EPHA1: variants seen among roughly 807,000 people sequenced by gnomAD.
The protein encoded by EPHA1 is EPH receptor A1.
Under a neutral mutation model 110.1 loss-of-function variants are expected in EPHA1, and 92 were observed. The ratio of observed to expected loss-of-function variants is 0.84; its 90% CI spans 0.71 to 0.99. The LOEUF is 0.99. EPHA1 is among the 50% of genes least tolerant of loss of function. EPHA1 has a pLI of 0.00. For missense variants in EPHA1, 1,204 were observed against 1,285.4 expected (o/e 0.94, Z 0.97); for synonymous variants, 500 against 516.1 (o/e 0.97, Z 0.42).
rs959577857 is a variant in EPHA1 at position 143,398,329 on chromosome 7, G to A, written c.1456C>T (p.Leu486=). Residue 486 remains leucine (L), a synonymous_variant, in exon 7 of 18, where the codon CTG becomes TTG. Transcript: ENST00000275815. ...GANLTYELHV[L]NQDEERYQMV... Reference sequence around the variant, plus strand: ...CTCAGTAGCATCCTGACCTGGTTCAGCACGTGCAGCTCATAGGTCAGGTTC... The same window carrying A: ...CTCAGTAGCATCCTGACCTGGTTCAACACGTGCAGCTCATAGGTCAGGTTC... The A allele has an allele frequency of 6.2e-7, 1 of 1,614,060 alleles. No individual in the cohort carries two copies. The highest frequency in any genetic ancestry group is 8.5e-7 in the Non-Finnish European group (1 of 1,179,990).
intron 11 of EPHA1, 32 bp downstream of exon 11, chr7:143,396,353 G>C (rs1334808132): frequency 1.9e-6 from 3 of 1,602,894 alleles, no homozygotes; most frequent in Non-Finnish European, 1.7e-6. Flanking sequence ...CCACATGGCG[G>C]GGGGCCTGCT....
chr7:143,391,880 A>G lies in EPHA1; in HGVS notation c.2697-105T>C, dbSNP rs1033644386. 34 of 1,526,614 alleles carry G rather than the reference A, an allele frequency of 2.2e-5. No homozygotes were observed. The African/African-American group carries it at 4.6e-4, about 21-fold the overall frequency. 94.6% of individuals were successfully genotyped at this position (1,526,614 alleles called of 1,614,324 possible). A position where few individuals can be genotyped will look rare whatever the true frequency, so the allele number is the denominator to read the frequency against. Reference sequence around the variant, plus strand: ...GCACTGAAGTTCGGTGTCTGGGCACAGAGATCATCTAGACTGTGGATTGAC... The same window carrying G: ...GCACTGAAGTTCGGTGTCTGGGCACGGAGATCATCTAGACTGTGGATTGAC... On this transcript the variant is annotated intron_variant, in intron 16 of 17. Transcript: ENST00000275815.
Position 143,401,639 on chromosome 7 carries a change from C to T in EPHA1, c.151-34G>A. On this transcript the variant is annotated intron_variant, in intron 2 of 17. Transcript: ENST00000275815. The surrounding 1 kb of genome is among the most constrained non-coding windows in gnomAD (Gnocchi z 4.1). ...AGGAAATCAGAGTCAGGGACCAGAT[C>T]ATCCCCTGCTCCCCAAACCCTTGGT... The T allele has an allele frequency of 6.3e-7, 1 of 1,595,766 alleles. No homozygotes were observed.
chr7:143,399,006 C>G (rs1018741586), intron 5 of EPHA1, 61 bp from the exon 6 acceptor site: 12 of 1,448,396 alleles, frequency 8.3e-6, no homozygotes, highest in Non-Finnish European at 1.0e-5. Context: ...GCTGCTGATC[C>G]CCGGCCTCCA....
At chr7:143,397,214 C>G in intron 10 of EPHA1, 90 bp downstream of exon 10, 1 of 1,442,142 alleles carries the variant, frequency 6.9e-7, no homozygotes. Flanking sequence ...TCCCTTGATC[C>G]CTTCCCAGTG....
Position 143,401,687 on chromosome 7 carries a change from G to C in EPHA1, c.151-82C>G. On this transcript the variant is annotated intron_variant, in intron 2 of 17. Transcript: ENST00000275815. The surrounding 1 kb of genome is among the most constrained non-coding windows in gnomAD (Gnocchi z 4.1). ...GGTTTTTAGAGCTGATGGAGAAGCA[G>C]CTGTGTCAGAGCCCCTCAGGTTTAT... 7 of 1,531,902 alleles carry C rather than the reference G, an allele frequency of 4.6e-6. No homozygotes were observed. The highest frequency in any genetic ancestry group is 6.2e-6 in the Non-Finnish European group (7 of 1,127,640). The allele number at this position is 1,531,902 out of a possible 1,614,324, so 94.9% of individuals were successfully genotyped here. A position where few individuals can be genotyped will look rare whatever the true frequency, so the allele number is the denominator to read the frequency against.
intron 10 of EPHA1, among the ~76,000 whole-genome samples, chr7:143,396,864 T>C (rs1271101430): frequency 6.6e-6 from 1 of 151,896 alleles, no homozygotes; most frequent in Non-Finnish European, 1.5e-5. Context: ...CGCGCATGGC[T>C]CCCACCCCAG....
rs73458318 is a variant in EPHA1, at chr7:143,408,323, C to G, written c.82+401G>C. 3.5e-3 allele frequency among the ~76,000 whole-genome samples: 528 copies of G among 152,306 alleles called. 2 individuals carry two copies. The highest frequency in any genetic ancestry group is 0.012 in the African/African-American group (501 of 41,572). ...CTCCCGGAGGCAGCTCCCTCTGTCCCTGGCCTAGGTTGGCAGGAGGCGACT... is the reference window on the plus strand; with the variant it reads ...CTCCCGGAGGCAGCTCCCTCTGTCCGTGGCCTAGGTTGGCAGGAGGCGACT... On this transcript the variant is annotated intron_variant, in intron 1 of 17. Coordinates refer to ENST00000275815, the MANE Select transcript of EPHA1 (RefSeq NM_005232.5).
Position 143,399,350 on chromosome 7 carries a change from T to C in EPHA1, c.899A>G (p.Gln300Arg). Residue 300 changes from glutamine to arginine, a missense_variant, in exon 5 of 18, where the codon CAG becomes CGG. Physicochemically the swap from Gln to Arg is conservative, Grantham distance 43. Coordinates refer to ENST00000275815, the MANE Select transcript of EPHA1 (RefSeq NM_005232.5). ...GGCCCCCTCAGACTCAGCAGTGCTC[T>C]GCTGGGGGCACGTGAGACAATGGGG... ...DTPHCLTCPQ[Q>R]STAESEGATI... 1 of 1,612,184 alleles carries C rather than the reference T, an allele frequency of 6.2e-7. No homozygotes were observed. Among genetic ancestry groups the C allele is most frequent in the Non-Finnish European group, 8.5e-7 (1 of 1,179,378 alleles).
chr7:143,398,651 C>A lies in EPHA1; in HGVS notation c.1286G>T (p.Gly429Val). The change falls in exon 6 of 18, where the codon GGC becomes GTC. Residue 429 changes from glycine (G) to valine (V), a missense_variant. Coordinates refer to ENST00000275815, the MANE Select transcript of EPHA1 (RefSeq NM_005232.5). The part of the protein sequence containing the change: ...VEAQNGVSGL[G>V]SSGHASTSVS... Reference sequence around the variant, plus strand: ...TGAGGTGCTGGCATGGCCAGAGCTGCCCAGCCCTGACACTCCATTTTGGGC... The same window carrying A: ...TGAGGTGCTGGCATGGCCAGAGCTGACCAGCCCTGACACTCCATTTTGGGC... 6.2e-7 allele frequency: 1 copy of A among 1,614,120 alleles called. No homozygotes were observed. Among genetic ancestry groups the A allele is most frequent in the Non-Finnish European group, 8.5e-7 (1 of 1,179,978 alleles).
chr7:143,398,283 C>T (rs1161165746), intron 7 of EPHA1, 38 bp downstream of exon 7: 2 of 1,611,682 alleles, frequency 1.2e-6, no homozygotes, highest in South Asian at 2.2e-5. Context: ...TGTGCCCGGG[C>T]ATGGACACTG....
intron 5 of EPHA1, 118 bp downstream of exon 5, chr7:143,399,140 T>G (rs928786157): frequency 7.2e-7 from 1 of 1,392,660 alleles, no homozygotes; most frequent in Non-Finnish European, 9.9e-7. Context: ...TAAAAGTGCC[T>G]GACACCCTGG....
chr7:143,394,013 C>T, intron 15 of EPHA1, 149 bp from the exon 16 acceptor site: 1 of 1,234,846 alleles, frequency 8.1e-7, no homozygotes, highest in African/African-American at 1.5e-5. Context: ...GTGGGAGGAT[C>T]AGGGTGGGAG....
Position 143,400,629 on chromosome 7 carries a change from A to G in EPHA1, c.433-576T>C, listed in dbSNP as rs749437799. 1.2e-4 allele frequency among the ~76,000 whole-genome samples: 18 copies of G among 152,176 alleles called. 1 individual carries two copies. The highest frequency in any genetic ancestry group is 2.1e-4 in the Non-Finnish European group (14 of 68,034). Reference sequence around the variant, plus strand: ...TGTCTTGCTACATGACTCCAGTGATACTATGGGAGTGGGTTGCTTATGAAC... The same window carrying G: ...TGTCTTGCTACATGACTCCAGTGATGCTATGGGAGTGGGTTGCTTATGAAC... On this transcript the variant is annotated intron_variant, in intron 3 of 17. Coordinates refer to ENST00000275815, the MANE Select transcript of EPHA1 (RefSeq NM_005232.5).
At position 143,401,795 on chromosome 7, in the gene EPHA1, G is replaced by T. The variant is rs913524844; in HGVS notation, c.151-190C>A. 1.3e-5 allele frequency among the ~76,000 whole-genome samples: 2 copies of T among 152,176 alleles called. No homozygotes were observed. Among genetic ancestry groups the T allele is most frequent in the African/African-American group, 4.8e-5 (2 of 41,442 alleles). On this transcript the variant is annotated intron_variant, in intron 2 of 17. Coordinates refer to ENST00000275815, the MANE Select transcript of EPHA1 (RefSeq NM_005232.5). This position sits in a 1 kb window ranked among gnomAD's most constrained non-coding sequence, Gnocchi z 4.1. ...GGGTTGGGGATTTGTTTGGATATAA[G>T]ATGGGCAAGACAATAGTCCCTTAAC...
chr7:143,391,583 G>A lies in EPHA1; in HGVS notation c.2852+37C>T, dbSNP rs375003006. The A allele has an allele frequency of 3.8e-5, 61 of 1,614,062 alleles. No homozygotes were observed. The Middle Eastern group carries it at 1.3e-3, about 35-fold the overall frequency. On this transcript the variant is annotated intron_variant, in intron 17 of 17. Transcript: ENST00000275815. ...GCATGAGTCCGGAGGCTCCACCCCC[G>A]CAGCCCTCCCCTGCCCAGACAGCTC...
chr7:143,400,632 A>G (rs917220142), intron 3 of EPHA1, among the ~76,000 whole-genome samples: 4 of 152,146 alleles, frequency 2.6e-5, no homozygotes, highest in African/African-American at 9.7e-5. Flanking sequence ...CAGTGATACT[A>G]TGGGAGTGGG....
In EPHA1 at chr7:143,395,272, C is replaced by T. The variant is rs774851071; in HGVS notation, c.2083+47G>A. 1.2e-5 allele frequency: 19 copies of T among 1,613,628 alleles called. No homozygotes were observed. Among genetic ancestry groups the T allele is most frequent in the Non-Finnish European group, 1.5e-5 (18 of 1,179,904 alleles). ...CTCCACTTCCAGTGGTTTCACCCCT[C>T]TTTCCTGCATTTCCCGCCCCCAGCT... is the stretch of plus-strand genomic sequence containing the variant. On this transcript the variant is annotated intron_variant, in intron 12 of 17. Transcript: ENST00000275815. The surrounding 1 kb of genome is among the most constrained non-coding windows in gnomAD (Gnocchi z 4.7).
rs754624005 is a variant in EPHA1, at chr7:143,395,315, G to C, written c.2083+4C>G. 9.3e-6 allele frequency: 15 copies of C among 1,614,010 alleles called. No homozygotes were observed. Among genetic ancestry groups the C allele is most frequent in the East Asian group, 2.2e-5 (1 of 44,898 alleles). ...CCCCAGCTGAGGGAGACCACTCATCGTACGCTTTGTGACGACGCCTTCCAG... is the reference window on the plus strand; with the variant it reads ...CCCCAGCTGAGGGAGACCACTCATCCTACGCTTTGTGACGACGCCTTCCAG... On this transcript the variant is annotated splice_donor_region_variant and intron_variant, in intron 12 of 17. Transcript: ENST00000275815. The surrounding 1 kb of genome is among the most constrained non-coding windows in gnomAD (Gnocchi z 4.7).
Sources: gnomAD v4.1 joint callset for allele counts (sites outside exome capture counted in the v4.1 genomes callset) on GRCh38, gnomAD v4.1.1 for gene constraint, Gnocchi (gnomAD v3.1) non-coding constraint, MANE v1.5 for transcripts, NCBI Gene and HGNC (gene_info 2026-07-23, HGNC 2026-07-21) for gene names.